DYM: variants seen among roughly 807,000 people sequenced by gnomAD.
DYM encodes the protein dymeclin, also known as dyggve-Melchior-Clausen syndrome protein.
A neutral mutation model predicts 93.1 loss-of-function variants in DYM; 78 were observed. That is an observed-to-expected ratio of 0.84 (90% CI 0.70 to 1.01). The LOEUF (loss-of-function observed/expected upper bound fraction) is 1.01, where lower values mean the gene tolerates loss of function less well. Ranked by LOEUF, DYM falls within the 50% of genes least tolerant of loss-of-function variation. The probability of loss-of-function intolerance (pLI) is 0.00; values close to 1 mark genes in which losing one functional copy is unlikely to be tolerated. For missense variants in DYM, 789 were observed against 845.0 expected (o/e 0.93, Z 0.82); for synonymous variants, 321 against 319.7 (o/e 1.00, Z -0.04).
Position 49,362,897 on chromosome 18 carries a change from C to G in DYM, c.494+264G>C, listed in dbSNP as rs117148042. ...TCTTGTTTCCAAAGATCTATAAGAT[C>G]TCTTAATACAGAGATTAATTCTGTG... On this transcript the variant is annotated intron_variant, in intron 6 of 17. Coordinates refer to ENST00000675505, the MANE Select transcript of DYM (RefSeq NM_001353214.3). Among the ~76,000 whole-genome samples the G allele has an allele frequency of 1.9e-3, 297 of 152,322 alleles. 4 individuals carry two copies. The East Asian group carries it at 0.03, about 16-fold the overall frequency.
intron 17 of DYM, chr18:49,049,889 G>A (rs1030581902): frequency 2.6e-5 from 4 of 154,074 alleles, no homozygotes; most frequent in Non-Finnish European, 5.9e-5. Context: ...CACAAGTGCT[G>A]ACAAATGGCT....
intron 13 of DYM, among the ~76,000 whole-genome samples, chr18:49,252,750 C>A (rs2145015529): frequency 6.6e-6 from 1 of 152,190 alleles, no homozygotes; most frequent in South Asian, 2.1e-4. Context: ...AGGAAACAGC[C>A]AGTGGAGGGA....
intron 8 of DYM, among the ~76,000 whole-genome samples, chr18:49,303,500 G>A (rs2061076813): frequency 6.6e-6 from 1 of 152,216 alleles, no homozygotes; most frequent in East Asian, 1.9e-4. Context: ...GTGCTGGAGA[G>A]AGACAGATCT....
intron 17 of DYM, among the ~76,000 whole-genome samples, chr18:49,079,867 T>C (rs2077653494): frequency 6.6e-6 from 1 of 151,456 alleles, no homozygotes; most frequent in Non-Finnish European, 1.5e-5. Context: ...CCCCCCTTTC[T>C]ATTCCACAAA....
intron 6 of DYM, chr18:49,359,964 T>C (rs1413629989): frequency 1.3e-5 from 2 of 152,230 alleles, no homozygotes; most frequent in Non-Finnish European, 2.9e-5. Context: ...AAGACAAACC[T>C]TCTTGTAGGA....
chr18:49,369,044 CG>C (rs2066764213), intron 5 of DYM, among the ~76,000 whole-genome samples: 1 of 152,252 alleles, frequency 6.6e-6, no homozygotes, highest in South Asian at 2.1e-4. Context: ...GCCTGCCAAA[CG>C]GCGGTTCCCA....
chr18:49,232,052 GT>G (rs1363676526), intron 13 of DYM, among the ~76,000 whole-genome samples: 3 of 152,058 alleles, frequency 2.0e-5, no homozygotes, highest in Non-Finnish European at 4.4e-5. Context: ...CTTGCCATCT[GT>G]TGATGTTTCT....
At chr18:49,183,443 A>G (rs538151888) in intron 14 of DYM, among the ~76,000 whole-genome samples, 1 of 151,384 alleles carries the variant, frequency 6.6e-6, no homozygotes, top group African/African-American at 2.4e-5. Context: ...ATTCCTGCAC[A>G]CTCCATTCTG....
intron 2 of DYM, among the ~76,000 whole-genome samples, chr18:49,402,951 G>T (rs562394530): frequency 1.3e-5 from 2 of 152,058 alleles, no homozygotes; most frequent in African/African-American, 2.4e-5. Context: ...TTTGAGAATC[G>T]CAGTTCTCAT....
At chr18:49,309,010 C>T (rs2061431917) in intron 8 of DYM, among the ~76,000 whole-genome samples, 1 of 151,986 alleles carries the variant, frequency 6.6e-6, no homozygotes, top group Non-Finnish European at 1.5e-5. Context: ...ATAGAAAACA[C>T]ACCACAACGG....
chr18:49,343,913 G>T (rs575622889), intron 6 of DYM, among the ~76,000 whole-genome samples: 1 of 150,374 alleles, frequency 6.7e-6, no homozygotes, highest in South Asian at 2.1e-4. Context: ...TTCAGGACAG[G>T]CTTGGGCAAC....
At chr18:49,059,582 T>C (rs2075781966) in intron 17 of DYM, among the ~76,000 whole-genome samples, 1 of 152,192 alleles carries the variant, frequency 6.6e-6, no homozygotes, top group Non-Finnish European at 1.5e-5. Flanking sequence ...GCTGTTTTCC[T>C]GGCTGTTCCG....
At chr18:49,414,658 C>G (rs564160482) in intron 2 of DYM, among the ~76,000 whole-genome samples, 1 of 152,292 alleles carries the variant, frequency 6.6e-6, no homozygotes, top group East Asian at 1.9e-4. Flanking sequence ...CTGGAATACT[C>G]TCCACAAAAC....
At chr18:49,263,155 A>C (rs1298604571) in intron 11 of DYM, among the ~76,000 whole-genome samples, 2 of 151,380 alleles carry the variant, frequency 1.3e-5, no homozygotes, top group African/African-American at 4.9e-5. Context: ...CCTCACTCTT[A>C]TCATCCAGGC....
intron 14 of DYM, among the ~76,000 whole-genome samples, chr18:49,170,309 A>G (rs1423208824): frequency 6.6e-6 from 1 of 152,192 alleles, no homozygotes; most frequent in Non-Finnish European, 1.5e-5. Context: ...CAAATCTTCT[A>G]GGAAACCTAC....
chr18:49,266,870 G>A (rs1045717546), intron 11 of DYM, among the ~76,000 whole-genome samples: 2 of 152,034 alleles, frequency 1.3e-5, no homozygotes, highest in Admixed American at 1.3e-4. Flanking sequence ...TCCAAAGTCT[G>A]AAAACCATTT....
rs1010701368 is a variant in DYM, at chr18:49,245,741, T to C, written c.1460+11269A>G. On this transcript the variant is annotated intron_variant, in intron 13 of 17. Transcript: ENST00000675505. ...TGCCCTTTGAAGCATGTGATCTTTG[T>C]GACTTACTCCCTGTTCGTACACCCC... Among the ~76,000 whole-genome samples, 34 of 152,336 alleles carry C rather than the reference T, an allele frequency of 2.2e-4. 1 individual carries two copies. The highest frequency in any genetic ancestry group is 2.0e-3 in the Admixed American group (31 of 15,302).
At chr18:49,189,934 G>C (rs906653581) in intron 14 of DYM, among the ~76,000 whole-genome samples, 3 of 152,180 alleles carry the variant, frequency 2.0e-5, no homozygotes, top group African/African-American at 7.2e-5. Context: ...TTAAATGACA[G>C]TGATTCTTCA....
chr18:49,385,711 T>A (rs908459980), intron 3 of DYM, among the ~76,000 whole-genome samples: 1 of 150,392 alleles, frequency 6.6e-6, no homozygotes, highest in African/African-American at 2.4e-5. Flanking sequence ...AAAAAAGAAA[T>A]CTGATCCAGA....
Sources: allele counts gnomAD v4.1 joint callset (sites outside exome capture counted in the v4.1 genomes callset), GRCh38; gene constraint gnomAD v4.1.1; transcripts MANE v1.5; gene names NCBI Gene and HGNC (gene_info 2026-07-23, HGNC 2026-07-21).